Variants in ITGAV observed in about 807,000 individuals in gnomAD.
ITGAV encodes the protein integrin subunit alpha V, also known as integrin alpha-V.
Under a neutral mutation model 143.8 loss-of-function variants are expected in ITGAV, and 76 were observed. That is an observed-to-expected ratio of 0.53 (90% CI 0.44 to 0.64). The LOEUF (loss-of-function observed/expected upper bound fraction) is 0.64. Ranked by LOEUF, ITGAV falls within the 30% of genes least tolerant of loss-of-function variation. The pLI, the probability that ITGAV is intolerant of heterozygous loss-of-function variation, is 0.00. For synonymous variants in ITGAV, 453 were observed against 446.7 expected, an observed-to-expected ratio of 1.01 and a Z score of -0.18; for missense variants, 1,193 against 1,274.7, an observed-to-expected ratio of 0.94 and a Z score of 0.98.
intron 8 of ITGAV, among the ~76,000 whole-genome samples, chr2:186,637,495 A>G (rs1687980084): frequency 6.6e-6 from 1 of 152,128 alleles, no homozygotes; most frequent in East Asian, 1.9e-4. Flanking sequence ...AAAAAAAAAA[A>G]AAAAGGAAAA....
At chr2:186,673,093 G>A (rs959348408) in intron 26 of ITGAV, among the ~76,000 whole-genome samples, 2 of 152,208 alleles carry the variant, frequency 1.3e-5, no homozygotes, top group East Asian at 1.9e-4. Flanking sequence ...GTTAATTTAT[G>A]TGTATGGTGT....
intron 2 of ITGAV, 42 bp from the exon 3 acceptor site, chr2:186,622,297 T>C (rs1687550666): frequency 7.8e-7 from 1 of 1,282,066 alleles, no homozygotes; most frequent in South Asian, 1.2e-5. Context: ...ATATTAAGAA[T>C]AGTATATTTT....
At chr2:186,669,048 G>C (rs1303943054) in intron 25 of ITGAV, 128 bp downstream of exon 25, 1 of 755,336 alleles carries the variant, frequency 1.3e-6, no homozygotes, top group Non-Finnish European at 2.1e-6. Flanking sequence ...AAATGGTTTA[G>C]TTCATAAGCA....
intron 14 of ITGAV, among the ~76,000 whole-genome samples, chr2:186,650,699 C>G (rs1029278462): frequency 1.3e-5 from 2 of 151,794 alleles, no homozygotes; most frequent in African/African-American, 4.8e-5. Flanking sequence ...GCATGTGCCA[C>G]TACCACACCT....
chr2:186,618,506 C>G (rs1053067481), intron 2 of ITGAV, among the ~76,000 whole-genome samples: 4 of 152,152 alleles, frequency 2.6e-5, no homozygotes, highest in African/African-American at 9.7e-5. Context: ...GTTTTTGATA[C>G]TTTTTTAAAG....
intron 1 of ITGAV, among the ~76,000 whole-genome samples, chr2:186,595,362 C>T (rs1243221995): frequency 2.0e-5 from 3 of 152,174 alleles, no homozygotes; most frequent in South Asian, 4.1e-4. Context: ...GGTCACATTC[C>T]GTGAATCAAC....
chr2:186,632,202 A>G (rs1687831200), intron 5 of ITGAV, among the ~76,000 whole-genome samples: 1 of 152,146 alleles, frequency 6.6e-6, no homozygotes, highest in Non-Finnish European at 1.5e-5. Context: ...GATAAAGTAT[A>G]TTAATAAATG....
rs753128611 is a variant in ITGAV at position 186,675,791 on chromosome 2, G to C, written c.2821-29G>C. 9 of 1,555,080 alleles carry C rather than the reference G, an allele frequency of 5.8e-6. No homozygotes were observed. In the East Asian group the frequency reaches 1.6e-4, roughly 27 times the overall value. On this transcript the variant is annotated intron_variant, in intron 27 of 29. Transcript: ENST00000261023. ...TAAATATAAAAGGCCTGATATCTGG[G>C]AAATCATCTAATTGTTATTTCCAAA...
intron 26 of ITGAV, among the ~76,000 whole-genome samples, chr2:186,673,937 C>T (rs115786254): frequency 6.6e-6 from 1 of 152,052 alleles, no homozygotes; most frequent in Non-Finnish European, 1.5e-5. Flanking sequence ...CCCGAAAGTT[C>T]TAGAATTACA....
chr2:186,655,877 C>T (rs970236749), intron 16 of ITGAV, among the ~76,000 whole-genome samples: 2 of 152,114 alleles, frequency 1.3e-5, no homozygotes, highest in African/African-American at 2.4e-5. Flanking sequence ...TCAAAATCAG[C>T]AAGACTCTTG....
At position 186,675,650 on chromosome 2, in the gene ITGAV, G is replaced by A. The variant is rs770037400; in HGVS notation, c.2753G>A (p.Arg918Lys). Residue 918 changes from arginine to lysine, a missense_variant, in exon 27 of 30, where the codon AGA becomes AAA. Physicochemically the swap from Arg to Lys is conservative, Grantham distance 26 (BLOSUM62 2). Coordinates refer to ENST00000261023, the MANE Select transcript of ITGAV (RefSeq NM_002210.5). The stretch of plus-strand genomic sequence containing the variant: ...TTGAAGATTGTCTGCCAAGTTGGGA[G>A]ATTAGACAGAGGAAAGAGTGCAATC... ...QCLKIVCQVG[R>K]LDRGKSAILY... is the part of the protein sequence containing the mutation. 3.7e-6 allele frequency: 6 copies of A among 1,613,980 alleles called. No homozygotes were observed. The highest frequency in any genetic ancestry group is 5.1e-6 in the Non-Finnish European group (6 of 1,179,972).
rs367683819 is a variant in ITGAV, at chr2:186,636,142, G to A, written c.692G>A (p.Ser231Asn). The A allele has an allele frequency of 6.2e-7, 1 of 1,613,256 alleles. No individual in the cohort carries two copies. Among genetic ancestry groups the A allele is most frequent in the Non-Finnish European group, 8.5e-7 (1 of 1,179,566 alleles). The change falls in exon 7 of 30, where the codon AGC (serine) becomes AAC (asparagine). Residue 231 changes from serine (S) to asparagine (N), a missense_variant. Coordinates refer to ENST00000261023, the MANE Select transcript of ITGAV (RefSeq NM_002210.5). ...IVSKYDPNVY[S>N]IKYNNQLATR... The stretch of plus-strand genomic sequence containing the variant: ...TCTAAATACGACCCCAATGTTTACA[G>A]CATCAAGTATAATAACCAATTAGCA...
intron 13 of ITGAV, among the ~76,000 whole-genome samples, chr2:186,647,525 C>G (rs749276289): frequency 6.6e-6 from 1 of 152,022 alleles, no homozygotes; most frequent in East Asian, 1.9e-4. Flanking sequence ...CGTGAGCCAC[C>G]GCACCCGGCC....
At chr2:186,607,569 CAT>C (rs937726330) in intron 2 of ITGAV, among the ~76,000 whole-genome samples, 1 of 152,008 alleles carries the variant, frequency 6.6e-6, no homozygotes, top group Non-Finnish European at 1.5e-5. Flanking sequence ...GACTCTTACT[CAT>C]ATGTGTGTGG....
In ITGAV at chr2:186,649,872, G is replaced by A. The variant is rs758309110; in HGVS notation, c.1384G>A (p.Ala462Thr). Residue 462 changes from alanine (A) to threonine (T), a missense_variant, in exon 14 of 30, where the codon GCT (alanine) becomes ACT (threonine). Physicochemically the swap from Ala to Thr is moderately conservative, Grantham distance 58. Coordinates refer to ENST00000261023, the MANE Select transcript of ITGAV (RefSeq NM_002210.5). ...LIVGAFGVDR[A>T]ILYRARPVIT... ...TGTAGGAGCTTTTGGTGTAGATCGA[G>A]CTATCTTATACAGGTGAGCATTTTC... The A allele has an allele frequency of 2.6e-6, 4 of 1,547,994 alleles. No individual in the cohort carries two copies. Among genetic ancestry groups the A allele is most frequent in the Non-Finnish European group, 3.5e-6 (4 of 1,146,308 alleles).
Position 186,677,207 on chromosome 2 carries a change from T to G in ITGAV, c.3062T>G (p.Phe1021Cys). ...TTCTTCAACTGACAGATGGGCTTTT[T>G]TAAACGGGTCCGGCCACCTCAAGAA... ...LVFVMYRMGF[F>C]KRVRPPQEEQ... is the part of the protein sequence containing the mutation. The change falls in exon 30 of 30, where the codon TTT becomes TGT. Residue 1021 changes from phenylalanine to cysteine, a missense_variant. Coordinates refer to ENST00000261023, the MANE Select transcript of ITGAV (RefSeq NM_002210.5). 2 of 1,613,758 alleles carry G rather than the reference T, an allele frequency of 1.2e-6. No homozygotes were observed. The highest frequency in any genetic ancestry group is 1.7e-6 in the Non-Finnish European group (2 of 1,179,786).
intron 17 of ITGAV, 102 bp from the exon 18 acceptor site, chr2:186,658,936 G>T: frequency 1.5e-6 from 1 of 676,606 alleles, no homozygotes; most frequent in Non-Finnish European, 2.4e-6. Flanking sequence ...TAGAATTGAA[G>T]GCTCAGGGAT....
At position 186,638,556 on chromosome 2, in the gene ITGAV, A is replaced by C. The variant is rs961260779; in HGVS notation, c.903+91A>C. The C allele has an allele frequency of 6.8e-6, 6 of 880,526 alleles. No homozygotes were observed. In the South Asian group the frequency reaches 7.3e-5, roughly 11 times the overall value. The allele number at this position is 880,526 out of a possible 1,614,324, so 54.5% of individuals were successfully genotyped here. A position where few individuals can be genotyped will look rare whatever the true frequency, so the allele number is the denominator to read the frequency against. On this transcript the variant is annotated intron_variant, in intron 10 of 29. Coordinates refer to ENST00000261023, the MANE Select transcript of ITGAV (RefSeq NM_002210.5). ...TTGCGAAATAAAACTGTAAAAATGA[A>C]CTATAATCTCATCAAATAGATAATT...
chr2:186,666,669 T>C (rs1688906130), intron 21 of ITGAV, 35 bp from the exon 22 acceptor site: 1 of 1,276,176 alleles, frequency 7.8e-7, no homozygotes, highest in Non-Finnish European at 1.1e-6. Context: ...AATTAGACAT[T>C]GACTAGCATT....
Sources: allele counts gnomAD v4.1 joint callset (sites outside exome capture counted in the v4.1 genomes callset), GRCh38; gene constraint gnomAD v4.1.1; transcripts MANE v1.5; gene names NCBI Gene and HGNC (gene_info 2026-07-23, HGNC 2026-07-21).